Variants in B4GALT6 observed in about 807,000 individuals in gnomAD.
B4GALT6 encodes beta-1,4-galactosyltransferase 6.
A neutral mutation model predicts 46.3 loss-of-function variants in B4GALT6; 14 were observed. The observed-to-expected ratio is 0.30, with a 90% CI of 0.20 to 0.47. The LOEUF is 0.47. Among genes scored for constraint, B4GALT6 ranks in the 20% least tolerant of loss-of-function variants. B4GALT6 has a pLI of 0.99. For synonymous variants in B4GALT6, 168 were observed against 162.0 expected (o/e 1.04, Z -0.28); for missense variants, 386 against 480.1 (o/e 0.80, Z 1.83).
intron 1 of B4GALT6, among the ~76,000 whole-genome samples, chr18:31,678,809 T>C (rs528426849): frequency 1.3e-5 from 2 of 152,348 alleles, no homozygotes; most frequent in Admixed American, 6.5e-5. Flanking sequence ...TCCCCTGGCC[T>C]TGGGCCCTTG....
intron 2 of B4GALT6, among the ~76,000 whole-genome samples, chr18:31,665,794 A>C (rs1040152463): frequency 1.3e-5 from 2 of 152,216 alleles, no homozygotes; most frequent in Non-Finnish European, 2.9e-5. Context: ...CCAATTTTAT[A>C]AAATTTCTCC....
chr18:31,626,486 T>G, intron 7 of B4GALT6, 102 bp from the exon 8 acceptor site: 1 of 608,106 alleles, frequency 1.6e-6, no homozygotes, highest in Non-Finnish European at 2.7e-6. Flanking sequence ...TAATCCAGGG[T>G]TCCCCAACCC....
chr18:31,705,808 T>C, the B4GALT6 span, among the ~76,000 whole-genome samples: 2 of 152,266 alleles, frequency 1.3e-5, no homozygotes, highest in Non-Finnish European at 2.9e-5. Context: ...AAGTAATTTC[T>C]GTAAGGTAGA....
In B4GALT6 at chr18:31,661,538, GCT is replaced by G. The variant is rs1053234065; in HGVS notation, c.233-3451_233-3450del. 5.3e-5 allele frequency among the ~76,000 whole-genome samples: 8 copies of G among 151,562 alleles called. No individual in the cohort carries two copies. The South Asian group carries it at 1.2e-3, about 24-fold the overall frequency. On this transcript the variant is annotated intron_variant, in intron 2 of 8. Transcript: ENST00000306851. ...CATTAATTAGCTAGTGTGCGCTCTC[GCT>G]CTCTCTCACACACACACACACAGAG... is the stretch of plus-strand genomic sequence containing the variant.
upstream of B4GALT6, among the ~76,000 whole-genome samples, chr18:31,685,026 G>C (rs2074529716): frequency 1.4e-5 from 2 of 146,162 alleles, no homozygotes; most frequent in Admixed American, 6.8e-5. Flanking sequence ...ACGCGCGGGG[G>C]CCCGCGGGGG....
At chr18:31,643,706 C>G (rs1205902274) in intron 4 of B4GALT6, among the ~76,000 whole-genome samples, 5 of 152,158 alleles carry the variant, frequency 3.3e-5, no homozygotes, top group African/African-American at 1.2e-4. Context: ...TGTGATACAC[C>G]TGTCTCCTGG....
At chr18:31,699,526 G>T in the B4GALT6 span, among the ~76,000 whole-genome samples, 6 of 150,900 alleles carry the variant, frequency 4.0e-5, no homozygotes, top group Admixed American at 2.0e-4. Flanking sequence ...TGCCTGCCTC[G>T]GCCTCCCAAA....
At chr18:31,683,810 G>T (rs2074509192) in intron 1 of B4GALT6, among the ~76,000 whole-genome samples, 2 of 151,986 alleles carry the variant, frequency 1.3e-5, no homozygotes, top group South Asian at 4.2e-4. Context: ...GGCACAAAAA[G>T]AATGGGGTCC....
intron 1 of B4GALT6, among the ~76,000 whole-genome samples, chr18:31,683,049 T>A (rs186701374): frequency 3.9e-5 from 6 of 152,348 alleles, no homozygotes; most frequent in Admixed American, 2.0e-4. Context: ...AACTTCTATT[T>A]TGGGATACGT....
At chr18:31,683,797 T>C (rs2074508948) in intron 1 of B4GALT6, among the ~76,000 whole-genome samples, 1 of 152,054 alleles carries the variant, frequency 6.6e-6, no homozygotes, top group Non-Finnish European at 1.5e-5. Context: ...ATTCCCCAAG[T>C]ATGGCACAAA....
At chr18:31,694,130 T>C in the B4GALT6 span, among the ~76,000 whole-genome samples, 8 of 152,222 alleles carry the variant, frequency 5.3e-5, no homozygotes, top group African/African-American at 1.9e-4. Context: ...CATGCCTCCA[T>C]GGCAAGAGAC....
intron 5 of B4GALT6, among the ~76,000 whole-genome samples, chr18:31,637,116 G>A (rs1305023966): frequency 2.0e-5 from 3 of 152,222 alleles, no homozygotes; most frequent in Admixed American, 6.5e-5. Flanking sequence ...ACCATGCCAG[G>A]CCAAATTCTT....
rs1397598971 is a variant in B4GALT6 at position 31,625,592 on chromosome 18, C to A, written c.*22G>T. 1 of 1,613,280 alleles carries A rather than the reference C, an allele frequency of 6.2e-7. No homozygotes were observed. Among genetic ancestry groups the A allele is most frequent in the Non-Finnish European group, 8.5e-7 (1 of 1,179,736 alleles). On this transcript the variant is annotated 3_prime_UTR_variant, in exon 9 of 9. Coordinates refer to ENST00000306851, the MANE Select transcript of B4GALT6 (RefSeq NM_004775.5). ...TTTATGATCCAGCATTGTGGTCTAC[C>A]TTGCCACGACAGCCACTTCTTTTAA...
intron 6 of B4GALT6, among the ~76,000 whole-genome samples, chr18:31,628,396 A>G (rs1337608428): frequency 6.6e-6 from 1 of 152,216 alleles, no homozygotes; most frequent in Admixed American, 6.5e-5. Flanking sequence ...CAGATAGGGA[A>G]ACATGAATAA....
chr18:31,638,222 A>T (rs965002643), intron 5 of B4GALT6, among the ~76,000 whole-genome samples: 1 of 152,134 alleles, frequency 6.6e-6, no homozygotes, highest in African/African-American at 2.4e-5. Flanking sequence ...ATGTAATTTC[A>T]CCCAAGTATA....
intron 3 of B4GALT6, among the ~76,000 whole-genome samples, chr18:31,647,635 G>C (rs1212435830): frequency 6.6e-6 from 1 of 152,124 alleles, no homozygotes; most frequent in Non-Finnish European, 1.5e-5. Flanking sequence ...GAGTGTAGGG[G>C]ACAGGCCTCC....
intron 6 of B4GALT6, 116 bp downstream of exon 6, chr18:31,630,843 G>T: frequency 8.9e-7 from 1 of 1,126,020 alleles, no homozygotes; most frequent in Middle Eastern, 2.7e-4. Context: ...AGTTAAAGAT[G>T]ATATTCTTGG....
intron 7 of B4GALT6, among the ~76,000 whole-genome samples, 163 bp from the exon 8 acceptor site, chr18:31,626,547 C>G (rs1178231145): frequency 1.3e-5 from 2 of 152,192 alleles, no homozygotes; most frequent in Non-Finnish European, 2.9e-5. Context: ...CTGGGCCGCA[C>G]AGCAGGAGGT....
At chr18:31,724,064 C>A in the B4GALT6 span, 1 of 314,868 alleles carries the variant, frequency 3.2e-6, no homozygotes, top group Non-Finnish European at 6.2e-6. Context: ...CCGGGCAGGG[C>A]GGAAGGGAGG....
Sources: gnomAD v4.1 joint callset for allele counts (sites outside exome capture counted in the v4.1 genomes callset) on GRCh38, gnomAD v4.1.1 for gene constraint, MANE v1.5 for transcripts, NCBI Gene and HGNC (gene_info 2026-07-23, HGNC 2026-07-21) for gene names.